Variants in ABCA10 observed in about 807,000 individuals in gnomAD.
The protein encoded by ABCA10 is ATP-binding cassette sub-family A member 10.
A neutral mutation model predicts 187.5 loss-of-function variants in ABCA10; 169 were observed. The observed-to-expected ratio is 0.90, with a 90% CI of 0.80 to 1.02. The LOEUF (loss-of-function observed/expected upper bound fraction) is 1.02, where lower values mean the gene tolerates loss of function less well. ABCA10 is among the 50% of genes least tolerant of loss of function. ABCA10 has a pLI of 0.00. For missense variants in ABCA10, 1,727 were observed against 1,812.4 expected (o/e 0.95, Z 0.86); for synonymous variants, 574 against 601.8 (o/e 0.95, Z 0.68).
chr17:69,167,492 G>A (rs2074262046), intron 25 of ABCA10, among the ~76,000 whole-genome samples: 1 of 152,192 alleles, frequency 6.6e-6, no homozygotes, highest in Admixed American at 6.6e-5. Flanking sequence ...ATTTACAATA[G>A]AACTAAACAC....
At chr17:69,185,678 C>G (rs751694122) in intron 19 of ABCA10, 35 bp from the exon 20 acceptor site, 15 of 1,502,824 alleles carry the variant, frequency 1.0e-5, no homozygotes, top group Middle Eastern at 4.3e-4. Flanking sequence ...GAGTCTGAAG[C>G]AATTTTCCTC....
chr17:69,208,674 A>T, intron 9 of ABCA10, among the ~76,000 whole-genome samples: 1 of 152,274 alleles, frequency 6.6e-6, no homozygotes, highest in East Asian at 1.9e-4. Context: ...ATAAAACAAG[A>T]GATTCCAAAA....
chr17:69,162,846 T>TACATATACATATAC (rs1568051566), intron 27 of ABCA10, among the ~76,000 whole-genome samples: 18 of 149,996 alleles, frequency 1.2e-4, no homozygotes, highest in African/African-American at 2.9e-4. Context: ...TACATATATA[T>TACATATACATATAC]ATATATATAT....
intron 22 of ABCA10, chr17:69,178,859 A>T (rs2074356140): frequency 6.6e-6 from 1 of 152,192 alleles, no homozygotes; most frequent in Non-Finnish European, 1.5e-5. Context: ...TTTCCTAAAG[A>T]AACACAATTT....
chr17:69,179,516 A>C (rs1156924443), intron 22 of ABCA10, among the ~76,000 whole-genome samples: 1 of 152,178 alleles, frequency 6.6e-6, no homozygotes, highest in Non-Finnish European at 1.5e-5. Flanking sequence ...CAAAAGCCTC[A>C]AGAGTAACTT....
intron 9 of ABCA10, among the ~76,000 whole-genome samples, chr17:69,211,338 TATATA>T (rs1309581747): frequency 1.8e-5 from 2 of 114,144 alleles, no homozygotes; most frequent in African/African-American, 8.9e-5. Context: ...TATATATATA[TATATA>T]TATATATATA....
intron 9 of ABCA10, among the ~76,000 whole-genome samples, chr17:69,202,227 C>A (rs1039763716): frequency 6.6e-6 from 1 of 152,096 alleles, no homozygotes; most frequent in African/African-American, 2.4e-5. Flanking sequence ...TATCAAACAT[C>A]AAGAACTTCA....
rs778667641 is a variant in ABCA10, at chr17:69,194,383, A to C, written c.1345+2T>G. 6.2e-7 allele frequency: 1 copy of C among 1,604,270 alleles called. No individual in the cohort carries two copies. Among genetic ancestry groups the C allele is most frequent in the Non-Finnish European group, 8.5e-7 (1 of 1,173,980 alleles). On this transcript the variant is annotated splice_donor_variant, in intron 12 of 38. Transcript: ENST00000690296. LOFTEE classifies it high-confidence loss of function. Reference sequence around the variant, plus strand: ...ACTTACTTTATAAAACTGTTTTCTCACCTTCTGTAGAAACAGACAATCCAC... The same window carrying C: ...ACTTACTTTATAAAACTGTTTTCTCCCCTTCTGTAGAAACAGACAATCCAC...
chr17:69,232,085 TA>T (rs1489558821), upstream of ABCA10, among the ~76,000 whole-genome samples: 1 of 152,130 alleles, frequency 6.6e-6, no homozygotes, highest in East Asian at 1.9e-4. Context: ...TCTATGTGCA[TA>T]AAATATCTTT....
chr17:69,171,634 A>T (rs1246208270), intron 25 of ABCA10, among the ~76,000 whole-genome samples: 2 of 152,196 alleles, frequency 1.3e-5, no homozygotes, highest in Admixed American at 6.5e-5. Context: ...AATAAAGATA[A>T]ATAGAAAATC....
In ABCA10 at chr17:69,240,165, A is replaced by G. The variant is rs184050151; in HGVS notation, c.-593+4364T>C. Among the ~76,000 whole-genome samples, 3 of 152,278 alleles carry G rather than the reference A, an allele frequency of 2.0e-5. No individual in the cohort carries two copies. The East Asian group carries it at 5.8e-4, about 29-fold the overall frequency. ...ACCCTTAAAATCCAGTCCCATGCAC[A>G]TTCTCCTAGCTCTTATGGGTAGATG... is the stretch of plus-strand genomic sequence containing the variant. On this transcript the variant is annotated intron_variant, in intron 1 of 39. Transcript: ENST00000269081.
Position 69,152,087 on chromosome 17 carries a change from G to A in ABCA10, c.4353C>T (p.His1451=), listed in dbSNP as rs1274383789. 3.7e-6 allele frequency: 6 copies of A among 1,613,358 alleles called. No individual in the cohort carries two copies. Among genetic ancestry groups the A allele is most frequent in the South Asian group, 2.2e-5 (2 of 90,872 alleles). Residue 1451 remains histidine, a synonymous_variant, in exon 36 of 39, where the codon CAC becomes CAT. Coordinates refer to ENST00000690296, the MANE Select transcript of ABCA10 (RefSeq NM_001377321.1). ...GTGGGAAAAGCTTCAAAATCTCTGT[G>A]TGGAGAGCTTCCACCTGGGTAGGTT... ...MKEPTQVEAL[H]TEILKLFPQA...
intron 36 of ABCA10, among the ~76,000 whole-genome samples, chr17:69,151,825 G>GCA (rs529240897): frequency 6.4e-4 from 98 of 151,992 alleles, no homozygotes; most frequent in African/African-American, 2.0e-3. Flanking sequence ...ATATATGAAT[G>GCA]CACACACACA....
intron 22 of ABCA10, among the ~76,000 whole-genome samples, chr17:69,180,499 T>TA (rs938563695): frequency 4.0e-5 from 6 of 150,372 alleles, no homozygotes; most frequent in Non-Finnish European, 1.5e-5. Context: ...GGAGATTGAT[T>TA]AAAAAAAAAG....
rs1307473953 is a variant in ABCA10 at position 69,216,734 on chromosome 17, T to C, written c.531-376A>G. Reference sequence around the variant, plus strand: ...TTCAGTTAAATGACTATATAAAATGTCAGTGGAAAAACAACGACAATCTCC... The same window carrying C: ...TTCAGTTAAATGACTATATAAAATGCCAGTGGAAAAACAACGACAATCTCC... On this transcript the variant is annotated intron_variant, in intron 6 of 38. Transcript: ENST00000690296. Among the ~76,000 whole-genome samples, 3 of 152,196 alleles carry C rather than the reference T, an allele frequency of 2.0e-5. No homozygotes were observed. In the East Asian group the frequency reaches 5.8e-4, roughly 29 times the overall value.
At chr17:69,235,211 T>A (rs1420722970) in intron 1 of ABCA10, among the ~76,000 whole-genome samples, 1 of 152,234 alleles carries the variant, frequency 6.6e-6, no homozygotes, top group Non-Finnish European at 1.5e-5. Flanking sequence ...ATATTAGAGA[T>A]AACTAGATTC....
chr17:69,150,703 T>C (rs757639475), intron 36 of ABCA10, among the ~76,000 whole-genome samples: 66 of 152,306 alleles, frequency 4.3e-4, no homozygotes, highest in Non-Finnish European at 7.9e-4. Flanking sequence ...TAAATCCATG[T>C]GGCTATTTAA....
chr17:69,182,769 T>G lies in ABCA10; in HGVS notation c.2537A>C (p.Gln846Pro). The change falls in exon 21 of 39, where the codon CAG (glutamine) becomes CCG (proline). Residue 846 changes from glutamine to proline, a missense_variant. Physicochemically the swap from Gln to Pro is moderately conservative, Grantham distance 76. Coordinates refer to ENST00000690296, the MANE Select transcript of ABCA10 (RefSeq NM_001377321.1). ...IEDLVHSLKC[Q>P]DIVLEIDDFR... ...GTCATCTATTTCCAAAACTATATCC[T>G]GACACTTCAGTGAATGCACGAGGTC... is the stretch of plus-strand genomic sequence containing the variant. The G allele has an allele frequency of 6.2e-7, 1 of 1,610,492 alleles. No individual in the cohort carries two copies. Among genetic ancestry groups the G allele is most frequent in the Non-Finnish European group, 8.5e-7 (1 of 1,178,384 alleles).
chr17:69,227,923 G>T (rs2074806514), intron 1 of ABCA10, among the ~76,000 whole-genome samples: 1 of 151,914 alleles, frequency 6.6e-6, no homozygotes, highest in African/African-American at 2.4e-5. Flanking sequence ...TAATTGATTT[G>T]TAATAATGAT....
Sources: gnomAD v4.1 joint callset for allele counts (sites outside exome capture counted in the v4.1 genomes callset) on GRCh38, gnomAD v4.1.1 for gene constraint, MANE v1.5 for transcripts, NCBI Gene and HGNC (gene_info 2026-07-23, HGNC 2026-07-21) for gene names.